Variants in USP53 observed in about 807,000 individuals in gnomAD.
USP53 encodes the protein ubiquitin carboxyl-terminal hydrolase 53.
In USP53, 71 loss-of-function variants were observed where a neutral mutation model predicts 94.9. The observed-to-expected ratio is 0.75, with a 90% CI of 0.62 to 0.91. The LOEUF (loss-of-function observed/expected upper bound fraction) is 0.91. Among genes scored for constraint, USP53 ranks in the 40% least tolerant of loss-of-function variants. The pLI, the probability that USP53 is intolerant of heterozygous loss-of-function variation, is 0.00. For synonymous variants in USP53, 375 were observed against 422.7 expected (o/e 0.89, Z 1.39); for missense variants, 1,173 against 1,281.0 (o/e 0.92, Z 1.29).
At chr4:119,215,003 C>T (rs1743513266) in intron 2 of USP53, among the ~76,000 whole-genome samples, 1 of 152,136 alleles carries the variant, frequency 6.6e-6, no homozygotes, top group African/African-American at 2.4e-5. Context: ...CTTAGAAGAT[C>T]CTTTTTGACA....
chr4:119,226,702 G>C (rs1182831424), intron 3 of USP53, among the ~76,000 whole-genome samples: 1 of 151,596 alleles, frequency 6.6e-6, no homozygotes, highest in Non-Finnish European at 1.5e-5. Flanking sequence ...GTGTGGTTTT[G>C]GTATAATTCT....
In USP53 at chr4:119,291,152, CACCCA is replaced by C; in HGVS notation, c.2252-8_2252-4del. ...TTTTCCTCATCTCTTCTCCCCACCC[CACCCA>C]ACCCTAGGCTTTAGAAAAGAACTCA... On this transcript the variant is annotated splice_polypyrimidine_tract_variant and splice_region_variant and intron_variant, in intron 17 of 18. Transcript: ENST00000692078. 2 of 1,017,176 alleles carry C rather than the reference CACCCA, an allele frequency of 2.0e-6. No homozygotes were observed. The highest frequency in any genetic ancestry group is 2.9e-6 in the Non-Finnish European group (2 of 696,434). The allele number at this position is 1,017,176 out of a possible 1,614,324, so 63.0% of individuals were successfully genotyped here.
chr4:119,254,213 A>G (rs1035597917), intron 7 of USP53, among the ~76,000 whole-genome samples: 1 of 151,998 alleles, frequency 6.6e-6, no homozygotes, highest in South Asian at 2.1e-4. Context: ...TGCTCTTCTC[A>G]AGGAGTATCT....
chr4:119,222,654 T>C (rs1031665172), intron 3 of USP53, among the ~76,000 whole-genome samples: 1 of 152,208 alleles, frequency 6.6e-6, no homozygotes, highest in African/African-American at 2.4e-5. Context: ...CTGAATAATA[T>C]TCCATTATGT....
At chr4:119,252,025 T>C (rs1376713006) in intron 7 of USP53, among the ~76,000 whole-genome samples, 1 of 152,184 alleles carries the variant, frequency 6.6e-6, no homozygotes, top group Non-Finnish European at 1.5e-5. Context: ...GTTTATGTGA[T>C]GGATTACATT....
At chr4:119,270,206 C>T (rs535804190) in intron 15 of USP53, among the ~76,000 whole-genome samples, 29 of 151,728 alleles carry the variant, frequency 1.9e-4, no homozygotes, top group Middle Eastern at 3.4e-3. Flanking sequence ...GCTCTCCTCA[C>T]GTCTTAGCCT....
chr4:119,242,899 C>T (rs1002531559), intron 5 of USP53, among the ~76,000 whole-genome samples: 35 of 152,094 alleles, frequency 2.3e-4, no homozygotes, highest in African/African-American at 8.5e-4. Flanking sequence ...TGATATAAGA[C>T]ACAAAAATGA....
intron 3 of USP53, among the ~76,000 whole-genome samples, chr4:119,234,913 C>T (rs1195709829): frequency 2.0e-5 from 3 of 152,140 alleles, no homozygotes; most frequent in African/African-American, 2.4e-5. Flanking sequence ...TATTTTTGAT[C>T]CCTGGTTCTT....
intron 2 of USP53, among the ~76,000 whole-genome samples, chr4:119,214,963 A>C (rs1230305977): frequency 6.6e-6 from 1 of 152,236 alleles, no homozygotes; most frequent in Non-Finnish European, 1.5e-5. Flanking sequence ...GGAATAAACT[A>C]TCCTACAAAG....
At chr4:119,250,018 C>T (rs1055246766) in intron 7 of USP53, among the ~76,000 whole-genome samples, 4 of 151,958 alleles carry the variant, frequency 2.6e-5, no homozygotes, top group African/African-American at 7.3e-5. Context: ...TTCAGGTTAA[C>T]GCTTACTCTT....
rs527931521 is a variant in USP53 at position 119,280,034 on chromosome 4, G to T, written c.2251+6326G>T. 4.3e-3 allele frequency among the ~76,000 whole-genome samples: 654 copies of T among 152,298 alleles called. 4 individuals carry two copies. The highest frequency in any genetic ancestry group is 0.01 in the South Asian group (50 of 4,826). On this transcript the variant is annotated intron_variant, in intron 17 of 18. Transcript: ENST00000692078. The stretch of plus-strand genomic sequence containing the variant: ...CTAGTGAGATGAACCCGGTACCTCA[G>T]ATGGAAATGCAGAAATCACCCGTCT...
intron 4 of USP53, among the ~76,000 whole-genome samples, chr4:119,237,170 C>A (rs1181425092): frequency 1.3e-5 from 2 of 152,190 alleles, no homozygotes; most frequent in East Asian, 3.9e-4. Context: ...AGGTCTTCAA[C>A]TGTGAGCTTA....
chr4:119,250,338 A>G (rs1748804565), intron 7 of USP53, among the ~76,000 whole-genome samples: 1 of 152,188 alleles, frequency 6.6e-6, no homozygotes, highest in African/African-American at 2.4e-5. Flanking sequence ...TTCTCTGTAG[A>G]ATTTACTCTG....
intron 12 of USP53, chr4:119,266,293 CTG>C (rs1310635631): frequency 4.4e-6 from 2 of 455,790 alleles, no homozygotes; most frequent in Non-Finnish European, 8.8e-6. Context: ...TTTTCCGTTG[CTG>C]TTAGATAATA....
In USP53 at chr4:119,292,807, A is replaced by T. The variant is rs778492898; in HGVS notation, c.2818A>T (p.Ser940Cys). 4 of 1,611,044 alleles carry T rather than the reference A, an allele frequency of 2.5e-6. No homozygotes were observed. Among genetic ancestry groups the T allele is most frequent in the Admixed American group, 1.7e-5 (1 of 59,754 alleles). Reference sequence around the variant, plus strand: ...AACCAGTGTGCCACAGTCAGAGAAAAGCGAATCTACACCTGATGTCAAACT... The same window carrying T: ...AACCAGTGTGCCACAGTCAGAGAAATGCGAATCTACACCTGATGTCAAACT... ...AITSVPQSEKSESTPDVKLTE... is the reference protein window; with the variant it reads ...AITSVPQSEKCESTPDVKLTE... Residue 940 changes from serine to cysteine, a missense_variant, in exon 19 of 19, where the codon AGC (serine) becomes TGC (cysteine). Physicochemically the swap from Ser to Cys is moderately radical, Grantham distance 112. Transcript: ENST00000692078.
At position 119,227,493 on chromosome 4, in the gene USP53, G is replaced by A. The variant is rs543837605; in HGVS notation, c.-664-7797G>A. On this transcript the variant is annotated intron_variant, in intron 3 of 18. Coordinates refer to ENST00000692078, the MANE Select transcript of USP53 (RefSeq NM_001371395.1). ...CAAGTACAAAAAATTAGCCGGGCGT[G>A]GTGGCGGGCGCCTGTAGTCCCAGCT... Among the ~76,000 whole-genome samples, 128 of 152,312 alleles carry A rather than the reference G, an allele frequency of 8.4e-4. 3 individuals carry two copies. The South Asian group carries it at 0.026, about 31-fold the overall frequency.
At chr4:119,291,126 G>C (rs901457664) in intron 17 of USP53, 39 bp from the exon 18 acceptor site, 1 of 1,000,022 alleles carries the variant, frequency 1.0e-6, no homozygotes, top group African/African-American at 1.7e-5. Flanking sequence ...AAATAATTTT[G>C]TTTTCCTCAT....
At chr4:119,247,952 T>C (rs1748467141) in intron 6 of USP53, among the ~76,000 whole-genome samples, 1 of 152,182 alleles carries the variant, frequency 6.6e-6, no homozygotes, top group African/African-American at 2.4e-5. Context: ...TGTGAAATGT[T>C]TTCTTTGTAT....
intron 17 of USP53, among the ~76,000 whole-genome samples, chr4:119,288,022 G>C (rs1049347214): frequency 2.0e-5 from 3 of 152,158 alleles, no homozygotes; most frequent in Non-Finnish European, 4.4e-5. Flanking sequence ...TTACCAACTA[G>C]AACAGTAGTT....
Sources: allele counts gnomAD v4.1 joint callset (sites outside exome capture counted in the v4.1 genomes callset), GRCh38; gene constraint gnomAD v4.1.1; transcripts MANE v1.5; gene names NCBI Gene and HGNC (gene_info 2026-07-23, HGNC 2026-07-21).